The following KCNQ3 variants were observed in gnomAD, a reference collection of about 807,000 sequenced individuals.
KCNQ3 encodes the protein potassium voltage-gated channel subfamily Q member 3, also known as potassium voltage-gated channel subfamily KQT member 3.
In KCNQ3, 30 loss-of-function variants were observed where a neutral mutation model predicts 92.5. That is an observed-to-expected ratio of 0.32 (90% CI 0.24 to 0.44). The LOEUF (loss-of-function observed/expected upper bound fraction) is 0.44. KCNQ3 is among the 20% of genes least tolerant of loss of function. The pLI, the probability that KCNQ3 is intolerant of heterozygous loss-of-function variation, is 1.00. For missense variants in KCNQ3, 913 were observed against 1,140.3 expected, an observed-to-expected ratio of 0.80 and a Z score of 2.87; for synonymous variants, 450 against 468.8, an observed-to-expected ratio of 0.96 and a Z score of 0.52.
At chr8:132,224,642 AT>A (rs535330030) in intron 1 of KCNQ3, among the ~76,000 whole-genome samples, 123 of 152,318 alleles carry the variant, frequency 8.1e-4, no homozygotes, top group Middle Eastern at 6.8e-3. Context: ...TTAAAATTAG[AT>A]TTATTATGGC....
At chr8:132,402,063 T>C (rs1410615569) in intron 1 of KCNQ3, among the ~76,000 whole-genome samples, 1 of 152,198 alleles carries the variant, frequency 6.6e-6, no homozygotes, top group Non-Finnish European at 1.5e-5. Context: ...TGCATGTGCC[T>C]GTGGTGTCAT....
At chr8:132,343,975 T>G (rs190208759) in intron 1 of KCNQ3, among the ~76,000 whole-genome samples, 2 of 152,350 alleles carry the variant, frequency 1.3e-5, no homozygotes, top group African/African-American at 2.4e-5. Flanking sequence ...GATATTCAGA[T>G]AAGTGGCACA....
chr8:132,277,850 A>T, intron 1 of KCNQ3: 1 of 684,228 alleles, frequency 1.5e-6, no homozygotes, highest in Non-Finnish European at 1.8e-6. Flanking sequence ...TCTAGAAACC[A>T]GGTTGTTGGA....
intron 1 of KCNQ3, among the ~76,000 whole-genome samples, chr8:132,352,402 A>C (rs1047649553): frequency 3.3e-5 from 5 of 152,098 alleles, no homozygotes; most frequent in African/African-American, 1.2e-4. Context: ...CACAGGAACA[A>C]GACTCCTACA....
At chr8:132,305,079 C>T (rs11778434) in intron 1 of KCNQ3, among the ~76,000 whole-genome samples, 117,795 of 152,112 alleles carry the variant, frequency 0.77, 46,077 homozygotes, top group East Asian at 0.89. Flanking sequence ...CTGCAGACCA[C>T]TTCATCTAAG....
At chr8:132,189,887 CCAAAAAAA>C (rs1827107685) in intron 1 of KCNQ3, among the ~76,000 whole-genome samples, 1 of 15,562 alleles carries the variant, frequency 6.4e-5, no homozygotes. Context: ...CTAAAAATGA[CCAAAAAAA>C]AAAAAAAAAA....
At chr8:132,260,816 TCCATCCAAACTTCCATCCAA>T (rs1262266358) in intron 1 of KCNQ3, among the ~76,000 whole-genome samples, 1 of 152,006 alleles carries the variant, frequency 6.6e-6, no homozygotes, top group Non-Finnish European at 1.5e-5. Context: ...CAATCCTCAG[TCCATCCAAACTTCCATCCAA>T]CCATCCATCC....
At chr8:132,236,583 T>C (rs1290289592) in intron 1 of KCNQ3, among the ~76,000 whole-genome samples, 1 of 152,164 alleles carries the variant, frequency 6.6e-6, no homozygotes, top group East Asian at 1.9e-4. Context: ...GTTATCTCTT[T>C]ATAAACCCAT....
At chr8:132,242,084 C>A (rs1815016258) in intron 1 of KCNQ3, among the ~76,000 whole-genome samples, 1 of 152,184 alleles carries the variant, frequency 6.6e-6, no homozygotes, top group Non-Finnish European at 1.5e-5. Context: ...AAATTTAGCT[C>A]ATTCTTTTGG....
chr8:132,443,011 T>A (rs1356546274), intron 1 of KCNQ3, among the ~76,000 whole-genome samples: 1 of 152,118 alleles, frequency 6.6e-6, no homozygotes, highest in Non-Finnish European at 1.5e-5. Flanking sequence ...AGGCCATAAA[T>A]CCTCATCTGC....
chr8:132,160,874 A>G (rs1421638906), intron 9 of KCNQ3, among the ~76,000 whole-genome samples: 1 of 152,154 alleles, frequency 6.6e-6, no homozygotes, highest in Non-Finnish European at 1.5e-5. Flanking sequence ...GAGCGTTATA[A>G]AGTATATATG....
At chr8:132,166,554 C>G (rs1488679291) in intron 8 of KCNQ3, among the ~76,000 whole-genome samples, 1 of 152,156 alleles carries the variant, frequency 6.6e-6, no homozygotes, top group Non-Finnish European at 1.5e-5. Flanking sequence ...GGTATGTGGC[C>G]TGAACTTCTT....
In KCNQ3 at chr8:132,137,902, T is replaced by A; in HGVS notation, c.1683A>T (p.Ile561=). 1 of 1,614,140 alleles carries A rather than the reference T, an allele frequency of 6.2e-7. No homozygotes were observed. The highest frequency in any genetic ancestry group is 8.5e-7 in the Non-Finnish European group (1 of 1,180,022). The change falls in exon 12 of 15, where the codon ATA becomes ATT. Residue 561 remains isoleucine, a synonymous_variant. Coordinates refer to ENST00000388996, the MANE Select transcript of KCNQ3 (RefSeq NM_004519.4). The part of the protein sequence containing the change: ...SAGHLDMLSR[I]KYLQTRIDMI... Reference sequence around the variant, plus strand: ...TGTCTCACCTCGTCTGAAGGTACTTTATCCTGGAAAGCATGTCGAGATGCC... The same window carrying A: ...TGTCTCACCTCGTCTGAAGGTACTTAATCCTGGAAAGCATGTCGAGATGCC...
rs1824568086 is a variant in KCNQ3, at chr8:132,123,680, G to GA, written c.*5581dup. 1 of 152,178 alleles carries GA rather than the reference G, an allele frequency of 6.6e-6. No homozygotes were observed. Among genetic ancestry groups the GA allele is most frequent in the Admixed American group, 6.5e-5 (1 of 15,278 alleles). The allele number at this position is 152,178 out of a possible 1,614,324, so 9.4% of individuals were successfully genotyped here. A position where few individuals can be genotyped will look rare whatever the true frequency, so the allele number is the denominator to read the frequency against. On this transcript the variant is annotated 3_prime_UTR_variant, in exon 15 of 15. Transcript: ENST00000388996. ...TCAATCACTGCTTCAATCACTGAGG[G>GA]ACGTGGTGTGATGTTCTTTGCTCTG...
chr8:132,362,235 A>C (rs1221649055), intron 1 of KCNQ3, among the ~76,000 whole-genome samples: 1 of 152,232 alleles, frequency 6.6e-6, no homozygotes, highest in Non-Finnish European at 1.5e-5. Context: ...CATACTTAAA[A>C]AAAACTCAAA....
At position 132,141,214 on chromosome 8, in the gene KCNQ3, T is replaced by G. The variant is rs1825286063; in HGVS notation, c.1380A>C (p.Glu460Asp). 1.2e-6 allele frequency: 2 copies of G among 1,614,178 alleles called. No homozygotes were observed. The highest frequency in any genetic ancestry group is 2.2e-5 in the South Asian group (2 of 91,090). ...TATTGTTTAAGCCAACAGGCTTTGG[T>G]TCTTTAGAAGGACTTTCTTCTATGG... Reference protein sequence around the residue: ...VDAIEESPSKEPKPVGLNNKE... With the variant: ...VDAIEESPSKDPKPVGLNNKE... Residue 460 changes from glutamate to aspartate, a missense_variant, in exon 10 of 15, where the codon GAA becomes GAC. Physicochemically the swap from Glu to Asp is conservative, Grantham distance 45. Around this residue, in one of 6 missense-constraint regions of KCNQ3, gnomAD observed 182 missense variants for 234.5 expected, o/e 0.78. Transcript: ENST00000388996.
chr8:132,468,793 G>C (rs1822237092), intron 1 of KCNQ3, among the ~76,000 whole-genome samples: 1 of 152,214 alleles, frequency 6.6e-6, no homozygotes, highest in African/African-American at 2.4e-5. Context: ...ATTCAGTATA[G>C]AGAGAAGCCC....
chr8:132,472,291 C>T (rs1563923177), intron 1 of KCNQ3, among the ~76,000 whole-genome samples: 1 of 152,080 alleles, frequency 6.6e-6, no homozygotes, highest in East Asian at 1.9e-4. Flanking sequence ...ATCAATGTAT[C>T]GAAGAAATAC....
intron 8 of KCNQ3, among the ~76,000 whole-genome samples, chr8:132,165,393 A>G (rs964751703): frequency 6.6e-6 from 1 of 152,232 alleles, no homozygotes; most frequent in South Asian, 2.1e-4. Context: ...TGCTAAATGA[A>G]TGGACTAAAT....
Sources: gnomAD v4.1 joint callset for allele counts (sites outside exome capture counted in the v4.1 genomes callset) on GRCh38, gnomAD v4.1.1 for gene constraint, gnomAD v4.1.1 regional missense constraint, MANE v1.5 for transcripts, NCBI Gene and HGNC (gene_info 2026-07-23, HGNC 2026-07-21) for gene names.